Variants in DSCAM observed in about 807,000 individuals in gnomAD.
DSCAM encodes cell adhesion molecule DSCAM.
A neutral mutation model predicts 217.7 loss-of-function variants in DSCAM; 47 were observed. That is an observed-to-expected ratio of 0.22 (90% CI 0.17 to 0.28). The LOEUF (loss-of-function observed/expected upper bound fraction) is 0.28, where lower values mean the gene tolerates loss of function less well. DSCAM is among the 10% of genes least tolerant of loss of function. The pLI is 1.00. For missense variants in DSCAM, 2,080 were observed against 2,618.3 expected (o/e 0.79, Z 4.49); for synonymous variants, 1,056 against 1,015.3 (o/e 1.04, Z -0.76).
At chr21:40,185,097 C>A (rs555200794) in intron 14 of DSCAM, among the ~76,000 whole-genome samples, 1 of 152,124 alleles carries the variant, frequency 6.6e-6, no homozygotes, top group South Asian at 2.1e-4. Flanking sequence ...GAGCCTCTAG[C>A]GTGGTGGAGG....
intron 1 of DSCAM, among the ~76,000 whole-genome samples, chr21:40,809,307 G>A (rs1246291316): frequency 6.6e-6 from 1 of 152,190 alleles, no homozygotes; most frequent in Non-Finnish European, 1.5e-5. Context: ...ATCCTAATTT[G>A]AGGAAAAGCC....
At chr21:40,192,207 G>T (rs575658436) in intron 11 of DSCAM, among the ~76,000 whole-genome samples, 164 of 152,102 alleles carry the variant, frequency 1.1e-3, no homozygotes, top group African/African-American at 3.7e-3. Context: ...TCCCCCTCAA[G>T]TTCTAAGCAA....
chr21:40,447,380 A>T (rs1361696280), intron 3 of DSCAM, among the ~76,000 whole-genome samples: 1 of 152,116 alleles, frequency 6.6e-6, no homozygotes, highest in Non-Finnish European at 1.5e-5. Flanking sequence ...TACTTATTGT[A>T]TTTTTCACAA....
At chr21:40,343,306 G>T (rs2074519585) in intron 6 of DSCAM, among the ~76,000 whole-genome samples, 2 of 152,032 alleles carry the variant, frequency 1.3e-5, no homozygotes, top group South Asian at 4.1e-4. Flanking sequence ...GCCTAACTAG[G>T]GCTGCTAGTA....
intron 15 of DSCAM, among the ~76,000 whole-genome samples, chr21:40,172,479 T>C (rs958827472): frequency 1.3e-5 from 2 of 152,226 alleles, no homozygotes; most frequent in Non-Finnish European, 2.9e-5. Context: ...CCGCTTTGCT[T>C]CCCTGTCCTG....
intron 3 of DSCAM, among the ~76,000 whole-genome samples, chr21:40,398,070 A>G (rs574593409): frequency 2.6e-5 from 4 of 152,304 alleles, no homozygotes; most frequent in East Asian, 1.9e-4. Context: ...TGCACACAGT[A>G]CCTCATTAAG....
Position 40,780,411 on chromosome 21 carries a change from GTGTGTGTGTGTGTATATATATATA to G in DSCAM, c.43+66184_43+66207del, listed in dbSNP as rs1185430174. On this transcript the variant is annotated intron_variant, in intron 1 of 32. Transcript: ENST00000400454. The stretch of plus-strand genomic sequence containing the variant: ...TCCAAATATAAACGTGTGTGTGTGT[GTGTGTGTGTGTGTATATATATATA>G]TATATATATATATCTCCTGTTATCC... 4.5e-5 allele frequency among the ~76,000 whole-genome samples: 4 copies of G among 88,516 alleles called. 1 individual carries two copies. Among genetic ancestry groups the G allele is most frequent in the South Asian group, 4.2e-4 (1 of 2,370 alleles). The allele number at this position is 88,516 out of a possible 152,430, so 58.1% of individuals were successfully genotyped here.
At chr21:40,074,563 T>C (rs1414401672) in intron 27 of DSCAM, among the ~76,000 whole-genome samples, 2 of 152,222 alleles carry the variant, frequency 1.3e-5, no homozygotes, top group Admixed American at 6.5e-5. Flanking sequence ...ACTCTTACAC[T>C]GGGCTTCAGC....
intron 3 of DSCAM, among the ~76,000 whole-genome samples, chr21:40,647,757 A>T (rs995803484): frequency 3.9e-5 from 6 of 152,232 alleles, no homozygotes; most frequent in Non-Finnish European, 8.8e-5. Context: ...TTTTCATTTC[A>T]TAATGCAGAA....
At chr21:40,842,772 G>A (rs971517984) in intron 1 of DSCAM, among the ~76,000 whole-genome samples, 2 of 152,148 alleles carry the variant, frequency 1.3e-5, no homozygotes, top group Non-Finnish European at 2.9e-5. Context: ...GCTGTATTGC[G>A]CTGGTTCTGC....
At chr21:40,404,674 T>C (rs975879802) in intron 3 of DSCAM, among the ~76,000 whole-genome samples, 3 of 152,178 alleles carry the variant, frequency 2.0e-5, no homozygotes, top group East Asian at 1.9e-4. Context: ...ATTTAACACA[T>C]AGGGCTTGTC....
chr21:40,376,463 TATATAG>T lies in DSCAM; in HGVS notation c.509-7224_509-7219del, dbSNP rs1317707384. On this transcript the variant is annotated intron_variant, in intron 3 of 32. Coordinates refer to ENST00000400454, the MANE Select transcript of DSCAM (RefSeq NM_001389.5). ...ATCTTATATAGATATCTATATATCT[TATATAG>T]ATATCTATATATCTTATATAGATAT... Among the ~76,000 whole-genome samples the T allele has an allele frequency of 1.7e-3, 239 of 136,792 alleles. 9 individuals are homozygous for T. Among genetic ancestry groups the T allele is most frequent in the Admixed American group, 4.9e-3 (60 of 12,270 alleles). 89.7% of individuals were successfully genotyped at this position (136,792 alleles called of 152,430 possible).
At chr21:40,796,393 C>T (rs902975379) in intron 1 of DSCAM, among the ~76,000 whole-genome samples, 2 of 152,162 alleles carry the variant, frequency 1.3e-5, no homozygotes, top group Non-Finnish European at 2.9e-5. Flanking sequence ...ACAGTCAGTC[C>T]AACACGTAAT....
chr21:40,357,109 T>G (rs1455624762), intron 4 of DSCAM, among the ~76,000 whole-genome samples: 1 of 152,136 alleles, frequency 6.6e-6, no homozygotes, highest in Non-Finnish European at 1.5e-5. Context: ...ATTCCAGAAT[T>G]ACAGTCATTC....
At chr21:40,513,338 TAAGAAC>T (rs1345977302) in intron 3 of DSCAM, 1 of 152,222 alleles carries the variant, frequency 6.6e-6, no homozygotes, top group African/African-American at 2.4e-5. Context: ...CAACAAAATC[TAAGAAC>T]ACAACTATGC....
chr21:40,197,703 G>A (rs1055566635), intron 11 of DSCAM, among the ~76,000 whole-genome samples: 7 of 152,154 alleles, frequency 4.6e-5, no homozygotes, highest in East Asian at 1.9e-4. Context: ...AGTTAATAAC[G>A]CATCTGTCCT....
chr21:40,529,682 G>T (rs1255700031), intron 3 of DSCAM, among the ~76,000 whole-genome samples: 1 of 152,096 alleles, frequency 6.6e-6, no homozygotes, highest in Non-Finnish European at 1.5e-5. Flanking sequence ...TTCCATATAA[G>T]AATGTTCCAG....
chr21:40,154,190 T>TA (rs2090453282), intron 16 of DSCAM, among the ~76,000 whole-genome samples: 1 of 151,228 alleles, frequency 6.6e-6, no homozygotes, highest in Non-Finnish European at 1.5e-5. Flanking sequence ...TCTTCCTTCC[T>TA]TCCTTCCTTC....
At chr21:40,669,219 T>C (rs1482536070) in intron 3 of DSCAM, among the ~76,000 whole-genome samples, 4 of 152,184 alleles carry the variant, frequency 2.6e-5, no homozygotes, top group Non-Finnish European at 5.9e-5. Context: ...CTTATCTATA[T>C]GATCTGTTTA....
Sources: gnomAD v4.1 joint callset for allele counts (sites outside exome capture counted in the v4.1 genomes callset) on GRCh38, gnomAD v4.1.1 for gene constraint, MANE v1.5 for transcripts, NCBI Gene and HGNC (gene_info 2026-07-23, HGNC 2026-07-21) for gene names.